Variants in KLHL6 observed in about 807,000 individuals in gnomAD.
The protein encoded by KLHL6 is kelch-like protein 6.
A neutral mutation model predicts 58.6 loss-of-function variants in KLHL6; 41 were observed. That is an observed-to-expected ratio of 0.70 (90% CI 0.55 to 0.91). The LOEUF (loss-of-function observed/expected upper bound fraction) is 0.91, where lower values mean the gene tolerates loss of function less well. KLHL6 is among the 40% of genes least tolerant of loss of function. The pLI, the probability that KLHL6 is intolerant of heterozygous loss-of-function variation, is 0.00. For synonymous variants in KLHL6, 338 were observed against 322.7 expected (o/e 1.05, Z -0.51); for missense variants, 714 against 805.6 (o/e 0.89, Z 1.38).
At chr3:183,532,362 G>A (rs1415445458) in intron 1 of KLHL6, among the ~76,000 whole-genome samples, 2 of 152,196 alleles carry the variant, frequency 1.3e-5, no homozygotes, top group African/African-American at 4.8e-5. Flanking sequence ...AGACTCTATA[G>A]AAGTGTGAGG....
intron 3 of KLHL6, among the ~76,000 whole-genome samples, chr3:183,501,721 T>C (rs1218113090): frequency 6.6e-6 from 1 of 152,108 alleles, no homozygotes; most frequent in Non-Finnish European, 1.5e-5. Flanking sequence ...CCCCATAATA[T>C]TCTATTCTCA....
intron 3 of KLHL6, among the ~76,000 whole-genome samples, chr3:183,505,137 A>T (rs770513502): frequency 6.6e-6 from 1 of 152,242 alleles, no homozygotes; most frequent in Non-Finnish European, 1.5e-5. Context: ...AATTATATGC[A>T]GGCTGTCTGC....
chr3:183,499,819 C>A lies in KLHL6; in HGVS notation c.918G>T (p.Ser306=). The part of the protein sequence containing the change: ...MYHLSGNEII[S]ERTKPRMHEF... ...CATGCATCCTGGGCTTGGTGCGTTC[C>A]GAAATGATCTGGAAATCGATGGGGG... The change falls in exon 4 of 7, where the codon TCG becomes TCT. Residue 306 remains serine, a synonymous_variant. Transcript: ENST00000341319. This position sits in a 1 kb window ranked among gnomAD's most constrained non-coding sequence, Gnocchi z 4.6. 6.3e-7 allele frequency: 1 copy of A among 1,574,880 alleles called. No homozygotes were observed. Among genetic ancestry groups the A allele is most frequent in the Non-Finnish European group, 8.6e-7 (1 of 1,159,446 alleles).
At position 183,499,842 on chromosome 3, in the gene KLHL6, G is replaced by T. The variant is rs778431905; in HGVS notation, c.910-15C>A. 1.3e-6 allele frequency: 2 copies of T among 1,552,988 alleles called. No homozygotes were observed. Among genetic ancestry groups the T allele is most frequent in the South Asian group, 1.2e-5 (1 of 82,882 alleles). On this transcript the variant is annotated splice_polypyrimidine_tract_variant and intron_variant, in intron 3 of 6. Transcript: ENST00000341319. This position sits in a 1 kb window ranked among gnomAD's most constrained non-coding sequence, Gnocchi z 4.6. ...TCCGAAATGATCTGGAAATCGATGG[G>T]GGTACATGAAGGCAGGGACAACACA...
rs1713087862 is a variant in KLHL6 at position 183,555,484 on chromosome 3, ATTAAGGAGAG to A, written c.160_169del (p.Leu54PhefsTer15). The A allele has an allele frequency of 6.2e-7, 1 of 1,614,064 alleles. No homozygotes were observed. Among genetic ancestry groups the A allele is most frequent in the Admixed American group, 1.7e-5 (1 of 59,992 alleles). On this transcript the variant is annotated frameshift_variant, in exon 1 of 7. Transcript: ENST00000341319. LOFTEE classifies it high-confidence loss of function. ...CAGGGTTTCCAGGCCATTCTGAAGA[ATTAAGGAGAG>A]TCCCGCGTCGTCAAATTTGACCTTT... is the stretch of plus-strand genomic sequence containing the variant.
At chr3:183,544,691 C>T (rs1176839065) in intron 1 of KLHL6, 1 of 152,204 alleles carries the variant, frequency 6.6e-6, no homozygotes, top group East Asian at 1.9e-4. Flanking sequence ...GGCGGGAGCT[C>T]TCACGTCATT....
At chr3:183,511,701 A>G (rs756312137) in intron 2 of KLHL6, among the ~76,000 whole-genome samples, 1 of 152,142 alleles carries the variant, frequency 6.6e-6, no homozygotes, top group Admixed American at 6.5e-5. Flanking sequence ...GCCTGTAAAC[A>G]TTTTGTTAAC....
intron 1 of KLHL6, among the ~76,000 whole-genome samples, chr3:183,536,647 C>T (rs887083066): frequency 1.3e-5 from 2 of 152,166 alleles, no homozygotes; most frequent in South Asian, 2.1e-4. Context: ...ATGAAGTACA[C>T]CAAGGCGTTA....
chr3:183,534,914 A>ATATG (rs1320807591), intron 1 of KLHL6, among the ~76,000 whole-genome samples: 5 of 146,508 alleles, frequency 3.4e-5, no homozygotes, highest in Non-Finnish European at 6.0e-5. Context: ...ATGTATGTAT[A>ATATG]TATGTATGCA....
intron 1 of KLHL6, among the ~76,000 whole-genome samples, chr3:183,529,068 G>A (rs1712073181): frequency 1.3e-5 from 2 of 152,192 alleles, no homozygotes; most frequent in Non-Finnish European, 2.9e-5. Flanking sequence ...AATATCTCAT[G>A]TTCTTACTTA....
rs1039623391 is a variant in KLHL6 at position 183,548,451 on chromosome 3, A to G, written c.293+6910T>C. Reference sequence around the variant, plus strand: ...GAGTCATTAGCAATCTCCTTTGTTGATGCTGCTGCCTGGAATCCTTGTCTG... The same window carrying G: ...GAGTCATTAGCAATCTCCTTTGTTGGTGCTGCTGCCTGGAATCCTTGTCTG... On this transcript the variant is annotated intron_variant, in intron 1 of 6. Transcript: ENST00000341319. 4.1e-4 allele frequency among the ~76,000 whole-genome samples: 63 copies of G among 152,062 alleles called. 2 individuals carry two copies.
chr3:183,498,534 C>T (rs1040278867), intron 4 of KLHL6, among the ~76,000 whole-genome samples: 1 of 152,162 alleles, frequency 6.6e-6, no homozygotes, highest in Non-Finnish European at 1.5e-5. Flanking sequence ...TACCAGTGTG[C>T]GACCTTAGGT....
intron 2 of KLHL6, 38 bp downstream of exon 2, chr3:183,527,807 G>C: frequency 6.2e-7 from 1 of 1,606,206 alleles, no homozygotes; most frequent in Non-Finnish European, 8.5e-7. Flanking sequence ...GCATTCACCT[G>C]CTTCAGAGAA....
chr3:183,551,461 G>A (rs1712913825), intron 1 of KLHL6, among the ~76,000 whole-genome samples: 1 of 152,118 alleles, frequency 6.6e-6, no homozygotes, highest in Non-Finnish European at 1.5e-5. Flanking sequence ...AAAAATGAGT[G>A]AATTAATAAC....
In KLHL6 at chr3:183,499,101, G is replaced by T. The variant is rs76650202; in HGVS notation, c.1147+489C>A. 5.1e-3 allele frequency among the ~76,000 whole-genome samples: 775 copies of T among 152,280 alleles called. 10 individuals carry two copies. Among genetic ancestry groups the T allele is most frequent in the African/African-American group, 0.017 (720 of 41,560 alleles). On this transcript the variant is annotated intron_variant, in intron 4 of 6. Transcript: ENST00000341319. The surrounding 1 kb of genome is among the most constrained non-coding windows in gnomAD (Gnocchi z 4.6). ...TCACGCCTGTAATCCCAGCACTTTG[G>T]GAGGCCGAAGCTGGTGCATCACCTA...
At chr3:183,546,263 C>G (rs1712714151) in intron 1 of KLHL6, among the ~76,000 whole-genome samples, 1 of 152,202 alleles carries the variant, frequency 6.6e-6, no homozygotes. Flanking sequence ...GGAATCCCCT[C>G]ATAACTGTGT....
intron 1 of KLHL6, among the ~76,000 whole-genome samples, chr3:183,546,750 A>C (rs1712730953): frequency 6.6e-6 from 1 of 152,224 alleles, no homozygotes; most frequent in Non-Finnish European, 1.5e-5. Context: ...AATCCATTTT[A>C]CTATTCGCGT....
chr3:183,542,397 T>C (rs986596607), intron 1 of KLHL6, among the ~76,000 whole-genome samples: 1 of 152,200 alleles, frequency 6.6e-6, no homozygotes, highest in South Asian at 2.1e-4. Flanking sequence ...GCATGTCCTT[T>C]ATTTCAACCT....
At chr3:183,543,266 G>A (rs565332792) in intron 1 of KLHL6, among the ~76,000 whole-genome samples, 3 of 149,138 alleles carry the variant, frequency 2.0e-5, no homozygotes, top group South Asian at 2.1e-4. Flanking sequence ...CAGCCTGGGC[G>A]ACAGAGCGAA....
Sources: gnomAD v4.1 joint callset for allele counts (sites outside exome capture counted in the v4.1 genomes callset) on GRCh38, gnomAD v4.1.1 for gene constraint, Gnocchi (gnomAD v3.1) non-coding constraint, MANE v1.5 for transcripts, NCBI Gene and HGNC (gene_info 2026-07-23, HGNC 2026-07-21) for gene names.